TAGLN: variants seen among roughly 807,000 people sequenced by gnomAD.
TAGLN encodes transgelin.
In TAGLN, 16 loss-of-function variants were observed where a neutral mutation model predicts 21.9. That is an observed-to-expected ratio of 0.73 (90% CI 0.49 to 1.11). The LOEUF (loss-of-function observed/expected upper bound fraction) is 1.11. Ranked by LOEUF, TAGLN falls within the 50% of genes least tolerant of loss-of-function variation. TAGLN has a pLI of 0.00. For synonymous variants in TAGLN, 96 were observed against 94.9 expected, an observed-to-expected ratio of 1.01 and a Z score of -0.06; for missense variants, 248 against 263.2, an observed-to-expected ratio of 0.94 and a Z score of 0.40.
chr11:117,203,480 T>C lies in TAGLN; in HGVS notation c.354T>C (p.Phe118=). The change falls in exon 3 of 5, where the codon TTT becomes TTC. Residue 118 remains phenylalanine, a synonymous_variant. Coordinates refer to ENST00000392951, the MANE Select transcript of TAGLN (RefSeq NM_003186.5). The surrounding 1 kb of genome is among the most constrained non-coding windows in gnomAD (Gnocchi z 4.4). ...KTDMFQTVDL[F]EGKDMAAVQR... ...ACATGTTCCAGACTGTTGACCTCTT[T>C]GAAGGTAGAGAGGAAGAGGCTGGGG... 1 of 1,613,584 alleles carries C rather than the reference T, an allele frequency of 6.2e-7. No homozygotes were observed. The highest frequency in any genetic ancestry group is 8.5e-7 in the Non-Finnish European group (1 of 1,179,560).
Position 117,204,528 on chromosome 11 carries a change from C to G in TAGLN, c.*169C>G, listed in dbSNP as rs2031255133. The G allele has an allele frequency of 9.9e-7, 1 of 1,009,962 alleles. No individual in the cohort carries two copies. Among genetic ancestry groups the G allele is most frequent in the Non-Finnish European group, 1.5e-6 (1 of 666,246 alleles). The allele number at this position is 1,009,962 out of a possible 1,614,324, so 62.6% of individuals were successfully genotyped here. A position where few individuals can be genotyped will look rare whatever the true frequency, so the allele number is the denominator to read the frequency against. On this transcript the variant is annotated 3_prime_UTR_variant, in exon 5 of 5. Transcript: ENST00000392951. ...ACCTGGGCAGCTCCTCCCTGTGCCCCCAGCCTCAGCCCAACTTCTTACCCG... is the reference window on the plus strand; with the variant it reads ...ACCTGGGCAGCTCCTCCCTGTGCCCGCAGCCTCAGCCCAACTTCTTACCCG...
Position 117,206,198 on chromosome 11 carries a change from C to T in TAGLN, c.*1839C>T. 1 of 1,614,134 alleles carries T rather than the reference C, an allele frequency of 6.2e-7. No individual in the cohort carries two copies. Among genetic ancestry groups the T allele is most frequent in the Admixed American group, 1.7e-5 (1 of 60,020 alleles). ...TGCTGCAAAGTGGCACTGATTCTAGCTCTGTCCCTTCCTCCTTGGCTTTCC... is the reference window on the plus strand; with the variant it reads ...TGCTGCAAAGTGGCACTGATTCTAGTTCTGTCCCTTCCTCCTTGGCTTTCC... On this transcript the variant is annotated 3_prime_UTR_variant, in exon 5 of 5. Transcript: ENST00000392951.
At position 117,203,972 on chromosome 11, in the gene TAGLN, G is replaced by T. The variant is rs2031219354; in HGVS notation, c.461+88G>T. On this transcript the variant is annotated intron_variant, in intron 4 of 4. Transcript: ENST00000392951. This position sits in a 1 kb window ranked among gnomAD's most constrained non-coding sequence, Gnocchi z 4.4. ...CTTGCGGGAAGGATTAGGGGAAGCA[G>T]ATAGCCAAGAAAGGATAAAGTGAGG... 2 of 1,264,210 alleles carry T rather than the reference G, an allele frequency of 1.6e-6. No homozygotes were observed. The highest frequency in any genetic ancestry group is 2.3e-6 in the Non-Finnish European group (2 of 874,054). The allele number at this position is 1,264,210 out of a possible 1,614,324, so 78.3% of individuals were successfully genotyped here.
intron 1 of TAGLN, chr11:117,201,617 TGAG>T (rs2031097472): frequency 1.3e-5 from 2 of 152,282 alleles, no homozygotes; most frequent in East Asian, 3.9e-4. Context: ...ACTTCACAGA[TGAG>T]GAACTCCAGC....
At position 117,206,131 on chromosome 11, in the gene TAGLN, G is replaced by C. The variant is rs771170603; in HGVS notation, c.*1772G>C. On this transcript the variant is annotated 3_prime_UTR_variant, in exon 5 of 5. Transcript: ENST00000392951. ...GGGGCAAGGAGGTCAGAGGTGGTGGGAGGGCCCCTGCTCTCTGTTTCCACT... is the reference window on the plus strand; with the variant it reads ...GGGGCAAGGAGGTCAGAGGTGGTGGCAGGGCCCCTGCTCTCTGTTTCCACT... 1 of 1,602,988 alleles carries C rather than the reference G, an allele frequency of 6.2e-7. No homozygotes were observed.
rs2031285399 is a variant in TAGLN, at chr11:117,204,985, T to C, written c.*626T>C. ...AGGCCATAGAACAGGAGAGTGAATC[T>C]TGGGGACCGAAGGGAAAAAGGAGCC... On this transcript the variant is annotated 3_prime_UTR_variant, in exon 5 of 5. Transcript: ENST00000392951. 1 of 194,648 alleles carries C rather than the reference T, an allele frequency of 5.1e-6. No homozygotes were observed. The highest frequency in any genetic ancestry group is 8.2e-5 in the East Asian group (1 of 12,216). 12.1% of individuals were successfully genotyped at this position (194,648 alleles called of 1,614,324 possible).
rs1402411506 is a variant in TAGLN at position 117,204,481 on chromosome 11, G to C, written c.*122G>C. On this transcript the variant is annotated 3_prime_UTR_variant, in exon 5 of 5. Transcript: ENST00000392951. The stretch of plus-strand genomic sequence containing the variant: ...AGCCCTGGCCAAGCTTTGAGGCTCT[G>C]TCACTGAGCAATGGTAACTGCACCT... The C allele has an allele frequency of 6.8e-7, 1 of 1,461,252 alleles. No homozygotes were observed. The highest frequency in any genetic ancestry group is 1.9e-5 in the Admixed American group (1 of 52,442). 90.5% of individuals were successfully genotyped at this position (1,461,252 alleles called of 1,614,324 possible).
Position 117,204,684 on chromosome 11 carries a change from C to T in TAGLN, c.*325C>T, listed in dbSNP as rs147339157. 2.6e-4 allele frequency: 103 copies of T among 403,262 alleles called. No individual in the cohort carries two copies. In the East Asian group the frequency reaches 3.9e-3, roughly 15 times the overall value. 25.0% of individuals were successfully genotyped at this position (403,262 alleles called of 1,614,324 possible). On this transcript the variant is annotated 3_prime_UTR_variant, in exon 5 of 5. Coordinates refer to ENST00000392951, the MANE Select transcript of TAGLN (RefSeq NM_003186.5). The stretch of plus-strand genomic sequence containing the variant: ...GGGCCAAGTCCACTGTCCTCCTTGG[C>T]GGCAAAAGCCCATTGAAGAAGAACC...
intron 1 of TAGLN, chr11:117,200,184 A>T (rs1009334764): frequency 2.0e-5 from 3 of 150,716 alleles, no homozygotes; most frequent in African/African-American, 7.5e-5. Flanking sequence ...GCACACATTT[A>T]TGTAGCCAGG....
rs771420932 is a variant in TAGLN, at chr11:117,206,386, C to A, written c.*2027C>A. On this transcript the variant is annotated 3_prime_UTR_variant, in exon 5 of 5. Transcript: ENST00000392951. Reference sequence around the variant, plus strand: ...GGCCGAGGCAAGCACCTACGTGAGGCACTGTTTCCCGAAGCCTACAGCCTT... The same window carrying A: ...GGCCGAGGCAAGCACCTACGTGAGGAACTGTTTCCCGAAGCCTACAGCCTT... 9 of 1,583,192 alleles carry A rather than the reference C, an allele frequency of 5.7e-6. No individual in the cohort carries two copies. The highest frequency in any genetic ancestry group is 7.7e-6 in the Non-Finnish European group (9 of 1,163,004).
chr11:117,204,556 A>G lies in TAGLN; in HGVS notation c.*197A>G. The stretch of plus-strand genomic sequence containing the variant: ...GCCTCAGCCCAACTTCTTACCCGAA[A>G]GCATCACTGCCTTGGCCCCTCCCTC... On this transcript the variant is annotated 3_prime_UTR_variant, in exon 5 of 5. Transcript: ENST00000392951. The G allele has an allele frequency of 1.2e-6, 1 of 806,606 alleles. No individual in the cohort carries two copies. Among genetic ancestry groups the G allele is most frequent in the Non-Finnish European group, 2.1e-6 (1 of 486,974 alleles). 50.0% of individuals were successfully genotyped at this position (806,606 alleles called of 1,614,324 possible).
chr11:117,199,789 G>A (rs1359200642), intron 1 of TAGLN: 1 of 151,792 alleles, frequency 6.6e-6, no homozygotes, highest in Non-Finnish European at 1.5e-5. Context: ...TTAGGCCAAG[G>A]CTCTACTGTC....
At chr11:117,204,153 C>T in intron 4 of TAGLN, 62 bp from the exon 5 acceptor site, 1 of 1,606,400 alleles carries the variant, frequency 6.2e-7, no homozygotes, top group Non-Finnish European at 8.5e-7. Flanking sequence ...ACAGAGGGAT[C>T]AGAAAACGGG....
In TAGLN at chr11:117,205,223, A is replaced by G. The variant is rs574206822; in HGVS notation, c.*864A>G. ...GAAGGCCAAGGTTGAGAGAAGAGTC[A>G]CAGCCTGTCAGGCAGATAGCTGGCC... On this transcript the variant is annotated 3_prime_UTR_variant, in exon 5 of 5. Coordinates refer to ENST00000392951, the MANE Select transcript of TAGLN (RefSeq NM_003186.5). The G allele has an allele frequency of 5.1e-5, 12 of 233,560 alleles. No individual in the cohort carries two copies. Among genetic ancestry groups the G allele is most frequent in the Non-Finnish European group, 9.3e-5 (11 of 118,020 alleles). 14.5% of individuals were successfully genotyped at this position (233,560 alleles called of 1,614,324 possible).
chr11:117,203,433 G>A lies in TAGLN; in HGVS notation c.307G>A (p.Asp103Asn). The change falls in exon 3 of 5, where the codon GAC (aspartate) becomes AAC (asparagine). Residue 103 changes from aspartate to asparagine, a missense_variant. Coordinates refer to ENST00000392951, the MANE Select transcript of TAGLN (RefSeq NM_003186.5). The surrounding 1 kb of genome is among the most constrained non-coding windows in gnomAD (Gnocchi z 4.4). ...GGCTCAGTTCCTGAAGGCGGCTGAG[G>A]ACTATGGGGTCATCAAGACTGACAT... The part of the protein sequence containing the change: ...QVAQFLKAAE[D>N]YGVIKTDMFQ... 6.2e-7 allele frequency: 1 copy of A among 1,614,202 alleles called. No individual in the cohort carries two copies. The highest frequency in any genetic ancestry group is 8.5e-7 in the Non-Finnish European group (1 of 1,180,030).
Position 117,204,464 on chromosome 11 carries a change from C to T in TAGLN, c.*105C>T. The T allele has an allele frequency of 6.4e-7, 1 of 1,553,066 alleles. No individual in the cohort carries two copies. The highest frequency in any genetic ancestry group is 1.2e-5 in the South Asian group (1 of 86,762). ...ACCCGTGTGGTACCTTCAGCCCTGG[C>T]CAAGCTTTGAGGCTCTGTCACTGAG... On this transcript the variant is annotated 3_prime_UTR_variant, in exon 5 of 5. Coordinates refer to ENST00000392951, the MANE Select transcript of TAGLN (RefSeq NM_003186.5).
Position 117,204,208 on chromosome 11 carries a change from C to T in TAGLN, c.462-7C>T, listed in dbSNP as rs1037930281. The T allele has an allele frequency of 6.2e-7, 1 of 1,614,118 alleles. No homozygotes were observed. Among genetic ancestry groups the T allele is most frequent in the Non-Finnish European group, 8.5e-7 (1 of 1,179,958 alleles). On this transcript the variant is annotated splice_region_variant and splice_polypyrimidine_tract_variant and intron_variant, in intron 4 of 4. Transcript: ENST00000392951. ...CCAAGTCTTTATCCTGGTTCCTCCTCTTCTAGGAAAGCGCAGGAGCATAAG... is the reference window on the plus strand; with the variant it reads ...CCAAGTCTTTATCCTGGTTCCTCCTTTTCTAGGAAAGCGCAGGAGCATAAG...
Position 117,204,220 on chromosome 11 carries a change from C to A in TAGLN, c.467C>A (p.Ala156Glu). 1 of 1,614,152 alleles carries A rather than the reference C, an allele frequency of 6.2e-7. No individual in the cohort carries two copies. Among genetic ancestry groups the A allele is most frequent in the South Asian group, 1.1e-5 (1 of 91,086 alleles). ...RGDPNWFMKK[A>E]QEHKREFTES... ...CCTGGTTCCTCCTCTTCTAGGAAAGCGCAGGAGCATAAGAGGGAATTCACA... is the reference window on the plus strand; with the variant it reads ...CCTGGTTCCTCCTCTTCTAGGAAAGAGCAGGAGCATAAGAGGGAATTCACA... The change falls in exon 5 of 5, where the codon GCG (alanine) becomes GAG (glutamate). Residue 156 changes from alanine to glutamate, a missense_variant. By Grantham distance (107) the Ala-to-Glu change is moderately radical. Transcript: ENST00000392951.
At chr11:117,200,806 G>C (rs1014611975) in intron 1 of TAGLN, among the ~76,000 whole-genome samples, 1 of 152,156 alleles carries the variant, frequency 6.6e-6, no homozygotes, top group Non-Finnish European at 1.5e-5. Flanking sequence ...GAGACTGGAA[G>C]CTGGGGGTAG....
Sources: allele counts gnomAD v4.1 joint callset (sites outside exome capture counted in the v4.1 genomes callset), GRCh38; gene constraint gnomAD v4.1.1; non-coding constraint Gnocchi (gnomAD v3.1); transcripts MANE v1.5; gene names NCBI Gene and HGNC (gene_info 2026-07-23, HGNC 2026-07-21).